NSD3: variants seen among roughly 807,000 people sequenced by gnomAD.
NSD3 encodes the protein histone-lysine N-methyltransferase NSD3.
NSD3 carries 24 observed loss-of-function variants against 160.8 expected under a neutral mutation model. The ratio of observed to expected loss-of-function variants is 0.15; its 90% CI spans 0.11 to 0.21. NSD3 has a LOEUF of 0.21. NSD3 is among the 10% of genes least tolerant of loss of function. The pLI is 1.00. For synonymous variants in NSD3, 520 were observed against 600.0 expected (o/e 0.87, Z 1.95); for missense variants, 1,157 against 1,735.9 (o/e 0.67, Z 5.93).
chr8:38,313,145 A>AT, intron 12 of NSD3, among the ~76,000 whole-genome samples: 1 of 152,148 alleles, frequency 6.6e-6, no homozygotes, highest in East Asian at 1.9e-4. Flanking sequence ...TAAGGGGAAA[A>AT]TTTTAAGTTA....
chr8:38,341,359 G>A (rs963095417), intron 2 of NSD3, among the ~76,000 whole-genome samples: 2 of 152,054 alleles, frequency 1.3e-5, no homozygotes, highest in African/African-American at 4.8e-5. Flanking sequence ...CCAAGATGGT[G>A]AAACCCTGTC....
At chr8:38,357,431 A>C (rs1191639362) in intron 1 of NSD3, among the ~76,000 whole-genome samples, 1 of 152,092 alleles carries the variant, frequency 6.6e-6, no homozygotes, top group Non-Finnish European at 1.5e-5. Flanking sequence ...TAGTAATATA[A>C]AATCACTGGA....
chr8:38,281,759 G>A (rs1439962848), intron 19 of NSD3, among the ~76,000 whole-genome samples, 176 bp from the exon 20 acceptor site: 1 of 152,146 alleles, frequency 6.6e-6, no homozygotes, highest in Non-Finnish European at 1.5e-5. Context: ...TCTGGTATAA[G>A]TGCCTCAGAA....
intron 1 of NSD3, among the ~76,000 whole-genome samples, chr8:38,376,746 C>A (rs1811397907): frequency 6.6e-6 from 1 of 151,836 alleles, no homozygotes; most frequent in Non-Finnish European, 1.5e-5. Context: ...CAGGCAGCTC[C>A]AATACTTTAA....
Position 38,382,177 on chromosome 8 carries a change from C to T in NSD3, c.-423G>A, listed in dbSNP as rs1209155745. 1 of 153,662 alleles carries T rather than the reference C, an allele frequency of 6.5e-6. No homozygotes were observed. The highest frequency in any genetic ancestry group is 1.5e-5 in the Non-Finnish European group (1 of 68,578). 9.5% of individuals were successfully genotyped at this position (153,662 alleles called of 1,614,324 possible). A position where few individuals can be genotyped will look rare whatever the true frequency, so the allele number is the denominator to read the frequency against. Reference sequence around the variant, plus strand: ...CGGCGCTCGGCTCGGAATTCGCACGCCTCTCCGCGGCGACCTGTGCACAGC... The same window carrying T: ...CGGCGCTCGGCTCGGAATTCGCACGTCTCTCCGCGGCGACCTGTGCACAGC... On this transcript the variant is annotated 5_prime_UTR_variant, in exon 1 of 24. Coordinates refer to ENST00000317025, the MANE Select transcript of NSD3 (RefSeq NM_023034.2). This position sits in a 1 kb window ranked among gnomAD's most constrained non-coding sequence, Gnocchi z 4.2.
intron 7 of NSD3, 61 bp downstream of exon 7, chr8:38,326,669 T>C (rs985818547): frequency 4.7e-6 from 7 of 1,490,072 alleles, no homozygotes; most frequent in East Asian, 2.4e-5. Context: ...TACCACATTA[T>C]AGCAGAACAG....
At chr8:38,333,692 C>G (rs1047782807) in intron 4 of NSD3, among the ~76,000 whole-genome samples, 2 of 151,562 alleles carry the variant, frequency 1.3e-5, no homozygotes. Context: ...AAGGTGAAAC[C>G]CCGTCTCTAC....
At chr8:38,373,214 C>T (rs1222288419) in intron 1 of NSD3, among the ~76,000 whole-genome samples, 1 of 151,922 alleles carries the variant, frequency 6.6e-6, no homozygotes, top group African/African-American at 2.4e-5. Flanking sequence ...TGATAGTTAC[C>T]CGATGTTCAC....
chr8:38,338,749 T>A lies in NSD3; in HGVS notation c.676-142A>T, dbSNP rs537632412. ...TTTATTAACTGAACAATGTAAGGAG[T>A]AAGAATACAACTTACTCAATACCTA... On this transcript the variant is annotated intron_variant, in intron 2 of 23. Coordinates refer to ENST00000317025, the MANE Select transcript of NSD3 (RefSeq NM_023034.2). 6.6e-5 allele frequency: 44 copies of A among 671,472 alleles called. No individual in the cohort carries two copies. The South Asian group carries it at 7.8e-4, about 12-fold the overall frequency. 41.6% of individuals were successfully genotyped at this position (671,472 alleles called of 1,614,324 possible). A position where few individuals can be genotyped will look rare whatever the true frequency, so the allele number is the denominator to read the frequency against.
At chr8:38,293,170 G>C (rs545138166) in intron 16 of NSD3, among the ~76,000 whole-genome samples, 1 of 151,480 alleles carries the variant, frequency 6.6e-6, no homozygotes, top group African/African-American at 2.4e-5. Flanking sequence ...AAAAAGAAGT[G>C]GGGGGAGGTT....
At chr8:38,379,912 T>C (rs1811493884) in intron 1 of NSD3, among the ~76,000 whole-genome samples, 1 of 152,342 alleles carries the variant, frequency 6.6e-6, no homozygotes, top group Admixed American at 6.5e-5. Flanking sequence ...TTCTGTAAAT[T>C]TGTCAGGATT....
At chr8:38,359,545 G>A (rs889960144) in intron 1 of NSD3, among the ~76,000 whole-genome samples, 1 of 152,122 alleles carries the variant, frequency 6.6e-6, no homozygotes, top group South Asian at 2.1e-4. Context: ...CAACCACCTG[G>A]TTCTAAGAAC....
At chr8:38,358,479 A>G (rs984580313) in intron 1 of NSD3, among the ~76,000 whole-genome samples, 2 of 152,308 alleles carry the variant, frequency 1.3e-5, no homozygotes, top group East Asian at 3.9e-4. Flanking sequence ...GACAGTCTAC[A>G]GTAATGAACC....
chr8:38,361,134 C>T (rs991710034), intron 1 of NSD3, among the ~76,000 whole-genome samples: 26 of 152,208 alleles, frequency 1.7e-4, no homozygotes, highest in Admixed American at 9.8e-4. Flanking sequence ...GCTGGGATTA[C>T]AGGCACGCGC....
At chr8:38,380,786 T>G (rs1260442155) in intron 1 of NSD3, 2 of 152,202 alleles carry the variant, frequency 1.3e-5, no homozygotes, top group African/African-American at 4.8e-5. Context: ...AATTGGCCCC[T>G]TCCAGATTCA....
chr8:38,304,876 AT>A, intron 13 of NSD3, 119 bp from the exon 14 acceptor site: 4 of 1,075,578 alleles, frequency 3.7e-6, no homozygotes, highest in Non-Finnish European at 5.2e-6. Context: ...GATGGAAAGC[AT>A]TTTTTTCTTC....
rs1313162005 is a variant in NSD3 at position 38,271,209 on chromosome 8, TAA to T, written c.*4430_*4431del. On this transcript the variant is annotated 3_prime_UTR_variant, in exon 24 of 24. Transcript: ENST00000317025. ...GCAGAACTTCACCTTTAATCCACGC[TAA>T]AGAGGATAAGAGACTAGGCTATTTA... 3 of 152,204 alleles carry T rather than the reference TAA, an allele frequency of 2.0e-5. No individual in the cohort carries two copies. Among genetic ancestry groups the T allele is most frequent in the African/African-American group, 7.2e-5 (3 of 41,446 alleles). The allele number at this position is 152,204 out of a possible 1,614,324, so 9.4% of individuals were successfully genotyped here.
At position 38,288,453 on chromosome 8, in the gene NSD3, G is replaced by A; in HGVS notation, c.3501+34C>T. The A allele has an allele frequency of 6.2e-7, 1 of 1,602,286 alleles. No homozygotes were observed. The highest frequency in any genetic ancestry group is 8.5e-7 in the Non-Finnish European group (1 of 1,172,638). On this transcript the variant is annotated intron_variant, in intron 19 of 23. Transcript: ENST00000317025. This position sits in a 1 kb window ranked among gnomAD's most constrained non-coding sequence, Gnocchi z 4.5. ...AGCATTCCTGAAAAGCCAGGTTCTG[G>A]TCTCTTCCACCCCCCACCACCATCC...
chr8:38,363,503 A>G (rs2150391578), intron 1 of NSD3, among the ~76,000 whole-genome samples: 1 of 152,108 alleles, frequency 6.6e-6, no homozygotes, highest in East Asian at 1.9e-4. Context: ...CTAGCTGGGC[A>G]TGGTGGTGCG....
Sources: gnomAD v4.1 joint callset for allele counts (sites outside exome capture counted in the v4.1 genomes callset) on GRCh38, gnomAD v4.1.1 for gene constraint, Gnocchi (gnomAD v3.1) non-coding constraint, MANE v1.5 for transcripts, NCBI Gene and HGNC (gene_info 2026-07-23, HGNC 2026-07-21) for gene names.